Variants in DHTKD1 observed in about 807,000 individuals in gnomAD.
DHTKD1 encodes the protein dehydrogenase E1 and transketolase domain containing 1, also known as 2-oxoadipate dehydrogenase complex component E1.
DHTKD1 carries 78 observed loss-of-function variants against 101.8 expected under a neutral mutation model. That is an observed-to-expected ratio of 0.77 (90% CI 0.64 to 0.93). The LOEUF (loss-of-function observed/expected upper bound fraction) is 0.93. Ranked by LOEUF, DHTKD1 falls within the 40% of genes least tolerant of loss-of-function variation. The pLI is 0.00. For missense variants in DHTKD1, 1,223 were observed against 1,161.7 expected, an observed-to-expected ratio of 1.05 and a Z score of -0.77; for synonymous variants, 462 against 450.3, an observed-to-expected ratio of 1.03 and a Z score of -0.33.
At chr10:12,112,868 ATTC>A in intron 12 of DHTKD1, 29 bp from the exon 13 acceptor site, 1 of 1,572,192 alleles carries the variant, frequency 6.4e-7, no homozygotes, top group Non-Finnish European at 8.6e-7. Context: ...TGATCTGAAC[ATTC>A]TTCTCCTTTC....
intron 11 of DHTKD1, 36 bp downstream of exon 11, chr10:12,106,432 G>T (rs1224984406): frequency 3.7e-6 from 6 of 1,609,726 alleles, no homozygotes; most frequent in South Asian, 2.2e-5. Context: ...ACAGGTGGGG[G>T]TCCCTGCGTG....
chr10:12,086,115 G>A (rs988465072), intron 3 of DHTKD1, among the ~76,000 whole-genome samples: 6 of 150,382 alleles, frequency 4.0e-5, no homozygotes, highest in African/African-American at 9.8e-5. Flanking sequence ...TGATCCACCC[G>A]CCTCGGCCTC....
At position 12,089,118 on chromosome 10, in the gene DHTKD1, T is replaced by C; in HGVS notation, c.850T>C (p.Leu284=). 1 of 1,614,184 alleles carries C rather than the reference T, an allele frequency of 6.2e-7. No individual in the cohort carries two copies. The highest frequency in any genetic ancestry group is 1.1e-5 in the South Asian group (1 of 91,086). The stretch of plus-strand genomic sequence containing the variant: ...GCACCATCCCCTCCATGTGACAATG[T>C]TGCCCAATCCCTCGCACCTGGAGGC... ...GAHHPLHVTM[L]PNPSHLEAVN... The change falls in exon 5 of 17, where the codon TTG becomes CTG. Residue 284 remains leucine (L), a synonymous_variant. Transcript: ENST00000263035.
chr10:12,115,588 T>TA (rs1339954288), intron 13 of DHTKD1, among the ~76,000 whole-genome samples: 1 of 152,186 alleles, frequency 6.6e-6, no homozygotes, highest in Non-Finnish European at 1.5e-5. Context: ...TCAGTAGTCT[T>TA]ACCAATAGCA....
intron 6 of DHTKD1, among the ~76,000 whole-genome samples, chr10:12,093,554 T>C (rs1025343128): frequency 6.6e-6 from 1 of 152,192 alleles, no homozygotes; most frequent in Admixed American, 6.6e-5. Flanking sequence ...ACAAGGCTGT[T>C]TGATGGTAGC....
intron 8 of DHTKD1, among the ~76,000 whole-genome samples, 200 bp downstream of exon 8, chr10:12,098,196 A>T (rs772041271): frequency 6.6e-6 from 1 of 152,062 alleles, no homozygotes; most frequent in African/African-American, 2.4e-5. Context: ...TTTTTCCTCC[A>T]TGTATTTATT....
At chr10:12,114,657 G>A (rs1309281572) in intron 13 of DHTKD1, among the ~76,000 whole-genome samples, 6 of 152,118 alleles carry the variant, frequency 3.9e-5, no homozygotes, top group African/African-American at 1.2e-4. Flanking sequence ...AAGACGTTTA[G>A]AATTTGGCCA....
intron 1 of DHTKD1, among the ~76,000 whole-genome samples, chr10:12,081,256 A>G (rs951579764): frequency 7.6e-6 from 1 of 132,028 alleles, no homozygotes; most frequent in Non-Finnish European, 1.5e-5. Flanking sequence ...CCTGGGCGAC[A>G]GAGCAAGACT....
intron 1 of DHTKD1, among the ~76,000 whole-genome samples, chr10:12,075,831 C>T (rs1188705447): frequency 6.6e-6 from 1 of 151,692 alleles, no homozygotes; most frequent in Non-Finnish European, 1.5e-5. Flanking sequence ...TTATCTAGAG[C>T]ATTTGAAATT....
intron 13 of DHTKD1, among the ~76,000 whole-genome samples, chr10:12,115,773 C>CT (rs776022517): frequency 3.8e-4 from 57 of 151,606 alleles, no homozygotes; most frequent in Admixed American, 8.5e-4. Flanking sequence ...TCTTTTTTTT[C>CT]TTTTTTTTGT....
chr10:12,114,673 G>T (rs1395208588), intron 13 of DHTKD1, among the ~76,000 whole-genome samples: 3 of 152,208 alleles, frequency 2.0e-5, no homozygotes, highest in East Asian at 1.9e-4. Context: ...GGCCATTCAA[G>T]AATATCTTGT....
At chr10:12,078,576 A>C (rs1832768893) in intron 1 of DHTKD1, among the ~76,000 whole-genome samples, 1 of 152,112 alleles carries the variant, frequency 6.6e-6, no homozygotes, top group Non-Finnish European at 1.5e-5. Context: ...GTGTCACTGC[A>C]CTCCAGCCTG....
Position 12,094,077 on chromosome 10 carries a change from G to C in DHTKD1, c.1164G>C (p.Lys388Asn). ...RSSLYCSDIG[K>N]LVGCAIIHVN... ...GCTTGGTCTTCTGTCCTTCAGGGAA[G>C]CTTGTGGGCTGTGCCATCATCCATG... The change falls in exon 7 of 17, where the codon AAG becomes AAC. Residue 388 changes from lysine (K) to asparagine (N), a missense_variant. By Grantham distance (94) the Lys-to-Asn change is moderately conservative. Coordinates refer to ENST00000263035, the MANE Select transcript of DHTKD1 (RefSeq NM_018706.7). 1.2e-6 allele frequency: 2 copies of C among 1,613,648 alleles called. No individual in the cohort carries two copies. The highest frequency in any genetic ancestry group is 1.7e-6 in the Non-Finnish European group (2 of 1,179,644).
At chr10:12,075,210 C>T (rs569511721) in intron 1 of DHTKD1, among the ~76,000 whole-genome samples, 1 of 152,002 alleles carries the variant, frequency 6.6e-6, no homozygotes, top group Non-Finnish European at 1.5e-5. Context: ...GACGGAGTCT[C>T]GCTCTGTCAC....
Position 12,100,274 on chromosome 10 carries a change from C to CTTTTTTTTTTGTGT in DHTKD1, c.1756+22_1756+23insGTGTTTTTTTTTTT. 8.5e-6 allele frequency: 3 copies of CTTTTTTTTTTGTGT among 351,674 alleles called. No homozygotes were observed. The highest frequency in any genetic ancestry group is 1.3e-5 in the Non-Finnish European group (3 of 232,896). The allele number at this position is 351,674 out of a possible 1,614,324, so 21.8% of individuals were successfully genotyped here. A position where few individuals can be genotyped will look rare whatever the true frequency, so the allele number is the denominator to read the frequency against. On this transcript the variant is annotated intron_variant, in intron 9 of 16. Coordinates refer to ENST00000263035, the MANE Select transcript of DHTKD1 (RefSeq NM_018706.7). Reference sequence around the variant, plus strand: ...TTTACTTGCTCAAGGTAAGAATTTTCTTTTTTTTTTCTGTTTTTTTTTTTT... The same window carrying CTTTTTTTTTTGTGT: ...TTTACTTGCTCAAGGTAAGAATTTTCTTTTTTTTTTGTGTTTTTTTTTTTCTGTTTTTTTTTTTT...
At chr10:12,101,269 A>C (rs1833165823) in intron 10 of DHTKD1, 88 bp downstream of exon 10, 1 of 1,449,502 alleles carries the variant, frequency 6.9e-7, no homozygotes, top group Admixed American at 2.4e-5. Context: ...GAGTGCTGGC[A>C]ACTTTGGGTT....
At position 12,088,975 on chromosome 10, in the gene DHTKD1, A is replaced by G; in HGVS notation, c.718-11A>G. 1 of 1,609,902 alleles carries G rather than the reference A, an allele frequency of 6.2e-7. No individual in the cohort carries two copies. Among genetic ancestry groups the G allele is most frequent in the African/African-American group, 1.3e-5 (1 of 74,952 alleles). ...ATGCCATTTTTTTCCTTTTGAATGT[A>G]TCCACAATAGCTGATGTTCCGTAAA... is the stretch of plus-strand genomic sequence containing the variant. On this transcript the variant is annotated splice_polypyrimidine_tract_variant and intron_variant, in intron 4 of 16. Transcript: ENST00000263035.
chr10:12,123,213 T>A lies in DHTKD1; in HGVS notation c.*2325T>A, dbSNP rs1192747806. 2 of 152,032 alleles carry A rather than the reference T, an allele frequency of 1.3e-5. No homozygotes were observed. The highest frequency in any genetic ancestry group is 1.3e-4 in the Admixed American group (2 of 15,254). The allele number at this position is 152,032 out of a possible 1,614,324, so 9.4% of individuals were successfully genotyped here. A position where few individuals can be genotyped will look rare whatever the true frequency, so the allele number is the denominator to read the frequency against. On this transcript the variant is annotated 3_prime_UTR_variant, in exon 17 of 17. Coordinates refer to ENST00000263035, the MANE Select transcript of DHTKD1 (RefSeq NM_018706.7). Reference sequence around the variant, plus strand: ...GAAAAAAAATAAAAGCACATTGTCATTTTTTTTCCTCAGGACTCCTGGACT... The same window carrying A: ...GAAAAAAAATAAAAGCACATTGTCAATTTTTTTCCTCAGGACTCCTGGACT...
At chr10:12,082,299 A>G (rs1215093482) in intron 2 of DHTKD1, among the ~76,000 whole-genome samples, 2 of 152,100 alleles carry the variant, frequency 1.3e-5, no homozygotes, top group East Asian at 3.8e-4. Flanking sequence ...GTGGGGTGAA[A>G]TCCAGGGCTA....
Sources: allele counts gnomAD v4.1 joint callset (sites outside exome capture counted in the v4.1 genomes callset), GRCh38; gene constraint gnomAD v4.1.1; transcripts MANE v1.5; gene names NCBI Gene and HGNC (gene_info 2026-07-23, HGNC 2026-07-21).